NEDD4L: variants seen among roughly 807,000 people sequenced by gnomAD.
The protein encoded by NEDD4L is NEDD4 like E3 ubiquitin protein ligase.
A neutral mutation model predicts 148.9 loss-of-function variants in NEDD4L; 54 were observed. That is an observed-to-expected ratio of 0.36 (90% CI 0.29 to 0.45). The LOEUF is 0.45. NEDD4L is among the 20% of genes least tolerant of loss of function. The probability of loss-of-function intolerance (pLI) is 1.00; values close to 1 mark genes in which losing one functional copy is unlikely to be tolerated. For missense variants in NEDD4L, 856 were observed against 1,233.8 expected (o/e 0.69, Z 4.59); for synonymous variants, 433 against 440.7 (o/e 0.98, Z 0.22).
chr18:58,214,607 T>TTGTGTGTGTGTG (rs59608519), intron 2 of NEDD4L, among the ~76,000 whole-genome samples: 5 of 145,316 alleles, frequency 3.4e-5, no homozygotes, highest in African/African-American at 1.0e-4. Context: ...GCTGCTCGGT[T>TTGTGTGTGTGTG]TGTGTGTGTG....
At position 58,276,212 on chromosome 18, in the gene NEDD4L, T is replaced by G. The variant is rs78704638; in HGVS notation, c.297+24158T>G. ...CTTTTTCGTTTTTTTTTTTTTTTTT[T>G]GGGTGGGGAGGGGGGTGGTTTTCTG... On this transcript the variant is annotated intron_variant, in intron 5 of 30. Transcript: ENST00000400345. Among the ~76,000 whole-genome samples, 434 of 103,320 alleles carry G rather than the reference T, an allele frequency of 4.2e-3. 2 individuals carry two copies. The highest frequency in any genetic ancestry group is 0.014 in the African/African-American group (390 of 27,444). 67.8% of individuals were successfully genotyped at this position (103,320 alleles called of 152,430 possible). A position where few individuals can be genotyped will look rare whatever the true frequency, so the allele number is the denominator to read the frequency against.
At chr18:58,223,780 A>G (rs1456359620) in intron 2 of NEDD4L, among the ~76,000 whole-genome samples, 1 of 152,188 alleles carries the variant, frequency 6.6e-6, no homozygotes, top group Non-Finnish European at 1.5e-5. Flanking sequence ...GAGGTTTCAG[A>G]GGCCGTTGGC....
chr18:58,120,713 G>A (rs915618614), intron 1 of NEDD4L, among the ~76,000 whole-genome samples: 2 of 152,158 alleles, frequency 1.3e-5, no homozygotes, highest in Admixed American at 6.5e-5. Context: ...CTGGGAGGCG[G>A]AGCTTGCGGT....
chr18:58,092,559 T>C (rs1484499214), intron 1 of NEDD4L, among the ~76,000 whole-genome samples: 2 of 152,060 alleles, frequency 1.3e-5, no homozygotes, highest in Non-Finnish European at 2.9e-5. Flanking sequence ...GTATGAGGAA[T>C]CTTGATAAAC....
chr18:58,341,113 A>C lies in NEDD4L; in HGVS notation c.1201A>C (p.Thr401Pro). 6.2e-7 allele frequency: 1 copy of C among 1,612,586 alleles called. No individual in the cohort carries two copies. The stretch of plus-strand genomic sequence containing the variant: ...AGAAAGAAAAGATGCTAAGGGGCGC[A>C]CATACTATGTCAATCATAACAATCG... ...WEERKDAKGR[T>P]YYVNHNNRTT... The change falls in exon 14 of 31, where the codon ACA becomes CCA. Residue 401 changes from threonine (T) to proline (P), a missense_variant. By Grantham distance (38) the Thr-to-Pro change is conservative. Coordinates refer to ENST00000400345, the MANE Select transcript of NEDD4L (RefSeq NM_001144967.3).
At chr18:58,119,644 G>A (rs2086093585) in intron 1 of NEDD4L, among the ~76,000 whole-genome samples, 2 of 152,222 alleles carry the variant, frequency 1.3e-5, no homozygotes, top group Non-Finnish European at 2.9e-5. Context: ...AGCCAGCTGG[G>A]ACTGGACGAC....
intron 5 of NEDD4L, among the ~76,000 whole-genome samples, chr18:58,290,491 T>C (rs991843828): frequency 6.6e-6 from 1 of 152,226 alleles, no homozygotes; most frequent in Non-Finnish European, 1.5e-5. Context: ...ACTCCGAATG[T>C]ATATAAACAA....
chr18:58,101,044 G>A (rs1327887878), intron 1 of NEDD4L, among the ~76,000 whole-genome samples: 1 of 152,166 alleles, frequency 6.6e-6, no homozygotes, highest in Admixed American at 6.5e-5. Flanking sequence ...GGGCTCAAGG[G>A]ATCCTCCCTC....
intron 1 of NEDD4L, chr18:58,045,542 C>G (rs1488762986): frequency 6.3e-6 from 1 of 158,878 alleles, no homozygotes; most frequent in East Asian, 1.8e-4. Context: ...GTGTCTCCCA[C>G]TCCCCCCTTT....
chr18:58,252,027 A>AT lies in NEDD4L; in HGVS notation c.273dup (p.Glu92Ter). On this transcript the variant is annotated frameshift_variant, in exon 5 of 31. Coordinates refer to ENST00000400345, the MANE Select transcript of NEDD4L (RefSeq NM_001144967.3). LOFTEE classifies it high-confidence loss of function. ...TAAACCCATCTAATCACAGACTCCT[A>AT]TTTGAAGTATTTGACGAAAATAGAC... is the stretch of plus-strand genomic sequence containing the variant. 1 of 1,594,656 alleles carries AT rather than the reference A, an allele frequency of 6.3e-7. No individual in the cohort carries two copies. Among genetic ancestry groups the AT allele is most frequent in the Non-Finnish European group, 8.6e-7 (1 of 1,162,384 alleles).
At chr18:58,156,341 T>G (rs893942945) in intron 1 of NEDD4L, among the ~76,000 whole-genome samples, 6 of 152,230 alleles carry the variant, frequency 3.9e-5, no homozygotes, top group Non-Finnish European at 5.9e-5. Context: ...ATTGCATCCC[T>G]GATATTTTGA....
At chr18:58,286,862 C>A (rs1384671373) in intron 5 of NEDD4L, among the ~76,000 whole-genome samples, 1 of 152,196 alleles carries the variant, frequency 6.6e-6, no homozygotes, top group Non-Finnish European at 1.5e-5. Context: ...GCATAAACTG[C>A]ATTTGGAAAT....
At chr18:58,308,691 T>TG (rs1285519561) in intron 5 of NEDD4L, among the ~76,000 whole-genome samples, 1 of 152,222 alleles carries the variant, frequency 6.6e-6, no homozygotes, top group Non-Finnish European at 1.5e-5. Flanking sequence ...CAGCTGGTCC[T>TG]GCACTCAGCA....
intron 1 of NEDD4L, among the ~76,000 whole-genome samples, chr18:58,117,518 A>G (rs911754239): frequency 1.3e-5 from 2 of 152,196 alleles, no homozygotes; most frequent in African/African-American, 4.8e-5. Context: ...AGAGGTCTGT[A>G]TGTATGAAAA....
At chr18:58,051,667 A>C (rs2081877511) in intron 1 of NEDD4L, among the ~76,000 whole-genome samples, 1 of 152,242 alleles carries the variant, frequency 6.6e-6, no homozygotes, top group Non-Finnish European at 1.5e-5. Flanking sequence ...CAGCAGTGAA[A>C]AAAAGAGATC....
chr18:58,195,200 G>A (rs1248100703), intron 2 of NEDD4L, among the ~76,000 whole-genome samples: 2 of 152,310 alleles, frequency 1.3e-5, no homozygotes, highest in East Asian at 1.9e-4. Context: ...GATCCCTGAG[G>A]CTCCAGGGTC....
At chr18:58,313,311 G>A (rs1417469081) in intron 5 of NEDD4L, among the ~76,000 whole-genome samples, 3 of 152,174 alleles carry the variant, frequency 2.0e-5, no homozygotes, top group African/African-American at 7.2e-5. Context: ...AGGTATAAGT[G>A]TAGTTTCCTG....
chr18:58,054,871 A>T (rs951921559), intron 1 of NEDD4L: 1 of 152,164 alleles, frequency 6.6e-6, no homozygotes, highest in Non-Finnish European at 1.5e-5. Flanking sequence ...GATTCTTGAG[A>T]AATTGGTATG....
intron 1 of NEDD4L, among the ~76,000 whole-genome samples, chr18:58,082,654 C>T (rs1349329747): frequency 6.6e-6 from 1 of 151,426 alleles, no homozygotes; most frequent in African/African-American, 2.4e-5. Context: ...TACATGTAGT[C>T]CCATCTACTT....
Sources: gnomAD v4.1 joint callset for allele counts (sites outside exome capture counted in the v4.1 genomes callset) on GRCh38, gnomAD v4.1.1 for gene constraint, MANE v1.5 for transcripts, NCBI Gene and HGNC (gene_info 2026-07-23, HGNC 2026-07-21) for gene names.